Variants in PCDH15 observed in about 807,000 individuals in gnomAD.
PCDH15 encodes protocadherin related 15.
In PCDH15, 129 loss-of-function variants were observed where a neutral mutation model predicts 178.5. The ratio of observed to expected loss-of-function variants is 0.72; its 90% CI spans 0.63 to 0.84. PCDH15 has a LOEUF of 0.84. PCDH15 is among the 40% of genes least tolerant of loss of function. PCDH15 has a pLI of 0.00. For synonymous variants in PCDH15, 800 were observed against 732.0 expected (o/e 1.09, Z -1.50); for missense variants, 2,230 against 2,099.9 (o/e 1.06, Z -1.21).
intron 2 of PCDH15, among the ~76,000 whole-genome samples, chr10:55,024,368 AGT>A (rs1840422904): frequency 6.8e-6 from 1 of 147,566 alleles, no homozygotes. Flanking sequence ...TATTTATATG[AGT>A]GTGTGTGTGT....
At chr10:55,264,539 T>C (rs993296625) in intron 1 of PCDH15, among the ~76,000 whole-genome samples, 8 of 152,074 alleles carry the variant, frequency 5.3e-5, no homozygotes, top group Non-Finnish European at 8.8e-5. Flanking sequence ...GTGGAAGGGA[T>C]AGGGAGGACG....
At chr10:53,919,039 T>C (rs2133857611) in intron 25 of PCDH15, among the ~76,000 whole-genome samples, 1 of 152,318 alleles carries the variant, frequency 6.6e-6, no homozygotes, top group South Asian at 2.1e-4. Context: ...GATTCTTCTG[T>C]TGCATCAGTC....
At chr10:54,065,935 G>T (rs2221567) in intron 18 of PCDH15, among the ~76,000 whole-genome samples, 67,676 of 151,880 alleles carry the variant, frequency 0.45, 15,337 homozygotes, top group Middle Eastern at 0.57. Context: ...AGCCTCACTT[G>T]AAAGCACCAG....
chr10:53,845,103 T>C (rs917411280), intron 28 of PCDH15, among the ~76,000 whole-genome samples: 15 of 151,768 alleles, frequency 9.9e-5, no homozygotes, highest in Admixed American at 3.9e-4. Flanking sequence ...AAAGAGTCAA[T>C]AGGCATATGA....
In PCDH15 at chr10:54,683,772, G is replaced by A. The variant is rs139070241; in HGVS notation, c.-28-19482C>T. Among the ~76,000 whole-genome samples the A allele has an allele frequency of 5.2e-3, 798 of 152,140 alleles. 7 individuals are homozygous for A. The highest frequency in any genetic ancestry group is 0.016 in the African/African-American group (684 of 41,544). ...TATGCTTGCAGTGATTAAAGCTTGC[G>A]ATCAAGTGTCTGACTAACCTGAGTT... On this transcript the variant is annotated intron_variant, in intron 1 of 37. Transcript: ENST00000644397.
chr10:53,961,993 T>A, intron 21 of PCDH15, 101 bp from the exon 22 acceptor site: 1 of 1,003,852 alleles, frequency 1.0e-6, no homozygotes, highest in Non-Finnish European at 1.5e-6. Flanking sequence ...CTTTTAGAAG[T>A]GAAAATCATA....
In PCDH15 at chr10:54,240,628, T is replaced by C. The variant is rs1184930246; in HGVS notation, c.877-3697A>G. ...ATTCTGTTATTTATTTTCTTTTGCT[T>C]TTTTTTTTTTTTTTTTTTTTTGAGA... On this transcript the variant is annotated intron_variant, in intron 8 of 37. Transcript: ENST00000644397. Among the ~76,000 whole-genome samples the C allele has an allele frequency of 6.9e-4, 88 of 127,756 alleles. 1 individual carries two copies. The highest frequency in any genetic ancestry group is 2.6e-3 in the African/African-American group (81 of 31,746). The allele number at this position is 127,756 out of a possible 152,430, so 83.8% of individuals were successfully genotyped here. A position where few individuals can be genotyped will look rare whatever the true frequency, so the allele number is the denominator to read the frequency against.
chr10:54,949,329 C>T (rs149944519), intron 2 of PCDH15, among the ~76,000 whole-genome samples: 42 of 151,902 alleles, frequency 2.8e-4, no homozygotes, highest in African/African-American at 8.0e-4. Context: ...GAAGGATGAA[C>T]ACAAGAGGAA....
intron 18 of PCDH15, among the ~76,000 whole-genome samples, chr10:54,048,435 T>C (rs1243550719): frequency 6.6e-6 from 1 of 152,178 alleles, no homozygotes; most frequent in East Asian, 1.9e-4. Context: ...TTTGTTTTTG[T>C]GGCAATTGTT....
chr10:55,044,999 C>G (rs1311481404), intron 2 of PCDH15, among the ~76,000 whole-genome samples: 1 of 152,080 alleles, frequency 6.6e-6, no homozygotes, highest in Non-Finnish European at 1.5e-5. Context: ...TGACCCGTAT[C>G]TAAGCCTGCA....
intron 1 of PCDH15, among the ~76,000 whole-genome samples, chr10:55,191,113 AT>A (rs896916544): frequency 2.9e-4 from 44 of 151,470 alleles, no homozygotes; most frequent in Non-Finnish European, 4.4e-5. Context: ...AAAAATATGG[AT>A]TTTTTTTGGT....
intron 3 of PCDH15, among the ~76,000 whole-genome samples, chr10:54,508,822 TGAAATGCTTGGGAAAA>T (rs1168506643): frequency 6.6e-6 from 1 of 152,110 alleles, no homozygotes; most frequent in Non-Finnish European, 1.5e-5. Flanking sequence ...AACCCTTACC[TGAAATGCTTGGGAAAA>T]GAAGTGTTTC....
chr10:53,990,693 G>T (rs1180532651), intron 21 of PCDH15, among the ~76,000 whole-genome samples: 1 of 152,046 alleles, frequency 6.6e-6, no homozygotes, highest in Non-Finnish European at 1.5e-5. Flanking sequence ...CCTCGGACTC[G>T]GCGTCCACTC....
chr10:54,469,637 A>G (rs377634091), intron 3 of PCDH15, among the ~76,000 whole-genome samples: 1 of 152,148 alleles, frequency 6.6e-6, no homozygotes, highest in Non-Finnish European at 1.5e-5. Context: ...GGCTGCATAC[A>G]CTAGCACTGG....
At chr10:55,249,363 G>C (rs1841771876) in intron 1 of PCDH15, among the ~76,000 whole-genome samples, 1 of 152,094 alleles carries the variant, frequency 6.6e-6, no homozygotes, top group African/African-American at 2.4e-5. Flanking sequence ...AAATATGACA[G>C]TAAAAGCACT....
chr10:55,091,682 C>A (rs1256530867), intron 2 of PCDH15, among the ~76,000 whole-genome samples: 1 of 151,792 alleles, frequency 6.6e-6, no homozygotes, highest in African/African-American at 2.4e-5. Context: ...ATTTGTTATG[C>A]AGGCATATCT....
chr10:54,228,994 G>C (rs2053769597), intron 9 of PCDH15, among the ~76,000 whole-genome samples: 1 of 152,098 alleles, frequency 6.6e-6, no homozygotes, highest in Non-Finnish European at 1.5e-5. Flanking sequence ...GCCAGTTAAA[G>C]GGATCTGTAT....
At chr10:54,095,308 G>A (rs2136101283) in intron 15 of PCDH15, among the ~76,000 whole-genome samples, 1 of 151,898 alleles carries the variant, frequency 6.6e-6, no homozygotes, top group Admixed American at 6.6e-5. Context: ...AAAAATTAAT[G>A]AATATATTTT....
At chr10:55,439,606 T>A (rs200510597) in intron 2 of PCDH15, among the ~76,000 whole-genome samples, 20 of 145,502 alleles carry the variant, frequency 1.4e-4, no homozygotes, top group East Asian at 1.2e-3. Flanking sequence ...TTTTTTTTTT[T>A]AAATGATGAA....
Sources: gnomAD v4.1 joint callset for allele counts (sites outside exome capture counted in the v4.1 genomes callset) on GRCh38, gnomAD v4.1.1 for gene constraint, MANE v1.5 for transcripts, NCBI Gene and HGNC (gene_info 2026-07-23, HGNC 2026-07-21) for gene names.